The following PRDM5 variants were observed in gnomAD, a reference collection of about 807,000 sequenced individuals.
PRDM5 encodes PR domain zinc finger protein 5.
Under a neutral mutation model 81.2 loss-of-function variants are expected in PRDM5, and 56 were observed. The observed-to-expected ratio is 0.69, with a 90% confidence interval of 0.56 to 0.86. PRDM5 has a LOEUF of 0.86. Ranked by LOEUF, PRDM5 falls within the 40% of genes least tolerant of loss-of-function variation. The pLI is 0.00. For synonymous variants in PRDM5, 267 were observed against 256.4 expected (o/e 1.04, Z -0.39); for missense variants, 697 against 770.1 (o/e 0.91, Z 1.12).
intron 14 of PRDM5, among the ~76,000 whole-genome samples, chr4:120,748,142 T>C (rs1177206409): frequency 6.6e-6 from 1 of 152,096 alleles, no homozygotes; most frequent in African/African-American, 2.4e-5. Context: ...CTAAAATGGG[T>C]TTGAGGCACT....
chr4:120,750,687 T>C (rs957861485), intron 14 of PRDM5, among the ~76,000 whole-genome samples: 1 of 147,628 alleles, frequency 6.8e-6, no homozygotes, highest in African/African-American at 2.5e-5. Context: ...TAGTTTCTTT[T>C]ACACACACAC....
intron 3 of PRDM5, among the ~76,000 whole-genome samples, chr4:120,844,585 G>C (rs1164568890): frequency 1.3e-5 from 2 of 152,142 alleles, no homozygotes; most frequent in Non-Finnish European, 2.9e-5. Context: ...TTAACTGATA[G>C]TGTGTTCTGA....
intron 14 of PRDM5, among the ~76,000 whole-genome samples, chr4:120,715,771 C>T (rs1034602350): frequency 1.3e-5 from 2 of 152,182 alleles, no homozygotes; most frequent in Non-Finnish European, 2.9e-5. Flanking sequence ...GGGCATGGCA[C>T]CATGGCAGCT....
At chr4:120,791,151 T>G (rs977516104) in intron 10 of PRDM5, among the ~76,000 whole-genome samples, 1 of 152,142 alleles carries the variant, frequency 6.6e-6, no homozygotes, top group Non-Finnish European at 1.5e-5. Context: ...AAACATAAAG[T>G]AGACTTCCTA....
At chr4:120,829,785 G>C (rs1756488905) in intron 3 of PRDM5, among the ~76,000 whole-genome samples, 1 of 151,926 alleles carries the variant, frequency 6.6e-6, no homozygotes, top group Non-Finnish European at 1.5e-5. Flanking sequence ...CATGACTAAT[G>C]GGTAATCCAT....
intron 3 of PRDM5, among the ~76,000 whole-genome samples, chr4:120,827,097 A>G (rs1046515316): frequency 1.3e-5 from 2 of 152,202 alleles, no homozygotes; most frequent in South Asian, 2.1e-4. Flanking sequence ...ATTATTTTAG[A>G]TGACAAATCG....
chr4:120,880,569 CA>C (rs1762749094), intron 2 of PRDM5, among the ~76,000 whole-genome samples: 1 of 152,096 alleles, frequency 6.6e-6, no homozygotes, highest in Admixed American at 6.5e-5. Flanking sequence ...TTACCTTCTT[CA>C]AAATCTTTGA....
intron 2 of PRDM5, among the ~76,000 whole-genome samples, chr4:120,889,970 T>C (rs1365494274): frequency 6.6e-6 from 1 of 152,198 alleles, no homozygotes; most frequent in Non-Finnish European, 1.5e-5. Flanking sequence ...GCTGATTCCA[T>C]TACTTTGCTA....
intron 2 of PRDM5, among the ~76,000 whole-genome samples, chr4:120,892,476 T>C (rs1034512233): frequency 2.6e-5 from 4 of 152,236 alleles, no homozygotes; most frequent in African/African-American, 9.6e-5. Context: ...GAACTCATTT[T>C]ATGAATCTGG....
intron 2 of PRDM5, among the ~76,000 whole-genome samples, chr4:120,882,225 G>A (rs1762918552): frequency 6.6e-6 from 1 of 152,176 alleles, no homozygotes; most frequent in Admixed American, 6.5e-5. Context: ...TGGCTTCATT[G>A]CAACCTCCGC....
At chr4:120,736,567 G>A (rs1173904267) in intron 14 of PRDM5, among the ~76,000 whole-genome samples, 1 of 152,154 alleles carries the variant, frequency 6.6e-6, no homozygotes, top group Admixed American at 6.5e-5. Context: ...AGCATTCAGA[G>A]ACGACCTTTT....
At chr4:120,720,591 G>A (rs936918033) in intron 14 of PRDM5, among the ~76,000 whole-genome samples, 1 of 152,142 alleles carries the variant, frequency 6.6e-6, no homozygotes, top group African/African-American at 2.4e-5. Flanking sequence ...TTCTGAAAGT[G>A]CATGTGCCAC....
At chr4:120,760,634 T>G (rs1745467782) in intron 13 of PRDM5, among the ~76,000 whole-genome samples, 1 of 152,160 alleles carries the variant, frequency 6.6e-6, no homozygotes, top group African/African-American at 2.4e-5. Context: ...GAACAACACA[T>G]CAAGGAACAA....
intron 3 of PRDM5, among the ~76,000 whole-genome samples, chr4:120,840,521 C>T (rs1757903734): frequency 6.6e-6 from 1 of 152,100 alleles, no homozygotes; most frequent in Non-Finnish European, 1.5e-5. Context: ...CTGGCCGGGT[C>T]CTCAAAGCAA....
intron 3 of PRDM5, among the ~76,000 whole-genome samples, chr4:120,826,363 C>G (rs1386481823): frequency 1.3e-5 from 2 of 152,140 alleles, no homozygotes; most frequent in Non-Finnish European, 2.9e-5. Context: ...GAAACTTTCT[C>G]TAATCTACTA....
intron 1 of PRDM5, among the ~76,000 whole-genome samples, chr4:120,919,715 A>C (rs2148721035): frequency 6.6e-6 from 1 of 152,294 alleles, no homozygotes; most frequent in South Asian, 2.1e-4. Context: ...TGCAACCTAA[A>C]ATGCCACATT....
chr4:120,690,459 C>A (rs1733998750), downstream of PRDM5, among the ~76,000 whole-genome samples: 1 of 151,808 alleles, frequency 6.6e-6, no homozygotes, highest in Admixed American at 6.6e-5. Context: ...TCAGTGCTGT[C>A]AGACAGGATA....
chr4:120,863,191 T>TATATATACACACACAC (rs1553997193), intron 2 of PRDM5, among the ~76,000 whole-genome samples: 2 of 70,320 alleles, frequency 2.8e-5, no homozygotes, highest in East Asian at 3.7e-4. Context: ...TATATATATA[T>TATATATACACACACAC]ACACACACAC....
In PRDM5 at chr4:120,767,574, C is replaced by T. The variant is rs146367306; in HGVS notation, c.1537+9614G>A. Among the ~76,000 whole-genome samples, 360 of 152,196 alleles carry T rather than the reference C, an allele frequency of 2.4e-3. 1 individual carries two copies. Among genetic ancestry groups the T allele is most frequent in the African/African-American group, 8.4e-3 (348 of 41,516 alleles). ...ACTCCATAAAAATCTCATCACATTGCAGTATATTCAAAGGTCCAACTGCCA... is the reference window on the plus strand; with the variant it reads ...ACTCCATAAAAATCTCATCACATTGTAGTATATTCAAAGGTCCAACTGCCA... On this transcript the variant is annotated intron_variant, in intron 13 of 15. Coordinates refer to ENST00000264808, the MANE Select transcript of PRDM5 (RefSeq NM_018699.4).
Sources: gnomAD v4.1 joint callset for allele counts (sites outside exome capture counted in the v4.1 genomes callset) on GRCh38, gnomAD v4.1.1 for gene constraint, MANE v1.5 for transcripts, NCBI Gene and HGNC (gene_info 2026-07-23, HGNC 2026-07-21) for gene names.